Variants in CD96 observed in about 807,000 individuals in gnomAD.
CD96 encodes the protein T-cell surface protein tactile.
A neutral mutation model predicts 71.3 loss-of-function variants in CD96; 70 were observed. The observed-to-expected ratio is 0.98, with a 90% confidence interval of 0.81 to 1.20. The LOEUF (loss-of-function observed/expected upper bound fraction) is 1.20, where lower values mean the gene tolerates loss of function less well. Among genes scored for constraint, CD96 ranks in the 50% most tolerant of loss-of-function variants. The pLI, the probability that CD96 is intolerant of heterozygous loss-of-function variation, is 0.00. For missense variants in CD96, 742 were observed against 677.5 expected (o/e 1.10, Z -1.06); for synonymous variants, 248 against 233.0 (o/e 1.06, Z -0.59).
chr3:111,570,785 G>A lies in CD96; in HGVS notation c.543+3138G>A, dbSNP rs774359884. 300 of 1,613,522 alleles carry A rather than the reference G, an allele frequency of 1.9e-4. 1 individual carries two copies. The highest frequency in any genetic ancestry group is 6.6e-4 in the Middle Eastern group (4 of 6,072). ...CCTCATCCTCTAGATCCAGGGAAAC[G>A]TCTTCCAAAGCAGGTGGCCCTGGAG... is the stretch of plus-strand genomic sequence containing the variant. On this transcript the variant is annotated intron_variant, in intron 3 of 13. Transcript: ENST00000352690.
At chr3:111,579,272 C>G (rs1936360867) in intron 4 of CD96, 38 bp downstream of exon 4, 1 of 1,065,694 alleles carries the variant, frequency 9.4e-7, no homozygotes, top group Non-Finnish European at 1.5e-6. Context: ...TGGCATCCTC[C>G]TGTCTCCTGC....
chr3:111,649,769 A>G lies in CD96; in HGVS notation c.1673A>G (p.Glu558Gly). 1.2e-6 allele frequency: 2 copies of G among 1,613,644 alleles called. No homozygotes were observed. Among genetic ancestry groups the G allele is most frequent in the South Asian group, 1.1e-5 (1 of 91,082 alleles). ...TACACTTGCATTCAAGAGCCCAACG[A>G]AAGTGATCTGCCTTATCATGAGATG... is the stretch of plus-strand genomic sequence containing the variant. ...IKYTCIQEPN[E>G]SDLPYHEMET... Residue 558 changes from glutamate (E) to glycine (G), a missense_variant, in exon 14 of 14, where the codon GAA (glutamate) becomes GGA (glycine). Physicochemically the swap from Glu to Gly is moderately conservative, Grantham distance 98. Transcript: ENST00000352690.
intron 12 of CD96, among the ~76,000 whole-genome samples, chr3:111,641,923 T>C (rs1402997701): frequency 6.6e-6 from 1 of 152,182 alleles, no homozygotes; most frequent in Admixed American, 6.5e-5. Flanking sequence ...GAAATCAAGA[T>C]GGAAATTTAA....
chr3:111,640,013 G>A (rs1305983411), intron 12 of CD96, among the ~76,000 whole-genome samples: 1 of 152,146 alleles, frequency 6.6e-6, no homozygotes, highest in Non-Finnish European at 1.5e-5. Context: ...CTCTGACAGA[G>A]GCTGCCCAAA....
chr3:111,589,478 C>A (rs1167683739), intron 5 of CD96, among the ~76,000 whole-genome samples: 2 of 152,206 alleles, frequency 1.3e-5, no homozygotes, highest in African/African-American at 4.8e-5. Context: ...AGTGAGTAAT[C>A]TTTCTCCAAT....
At chr3:111,628,465 C>T (rs1938892386) in intron 10 of CD96, among the ~76,000 whole-genome samples, 1 of 151,832 alleles carries the variant, frequency 6.6e-6, no homozygotes, top group African/African-American at 2.4e-5. Flanking sequence ...TAAGACAGGC[C>T]AACAAAAACA....
At chr3:111,630,112 A>G (rs1429112621) in intron 10 of CD96, among the ~76,000 whole-genome samples, 1 of 152,220 alleles carries the variant, frequency 6.6e-6, no homozygotes, top group African/African-American at 2.4e-5. Flanking sequence ...CTAGAGAACC[A>G]GGAGCAAACA....
At position 111,545,097 on chromosome 3, in the gene CD96, G is replaced by A; in HGVS notation, c.113G>A (p.Gly38Asp). Residue 38 changes from glycine to aspartate, a missense_variant, in exon 2 of 14, where the codon GGC (glycine) becomes GAC (aspartate). By Grantham distance (94) the Gly-to-Asp change is moderately conservative. Coordinates refer to ENST00000352690, the MANE Select transcript of CD96 (RefSeq NM_005816.5). ...GAAGAAAATGTTTATGCTACACTTG[G>A]CTCTGATGTCAACCTGACCTGCCAA... The part of the protein sequence containing the change: ...NTEENVYATL[G>D]SDVNLTCQTQ... 1.9e-6 allele frequency: 3 copies of A among 1,614,154 alleles called. No individual in the cohort carries two copies. The highest frequency in any genetic ancestry group is 2.5e-6 in the Non-Finnish European group (3 of 1,180,030).
At chr3:111,544,113 C>G (rs1239198989) in intron 1 of CD96, among the ~76,000 whole-genome samples, 9 of 152,116 alleles carry the variant, frequency 5.9e-5, no homozygotes, top group Non-Finnish European at 1.5e-5. Context: ...TGAATTCATT[C>G]TTTTACTGGA....
chr3:111,656,341 C>T (rs1940228323), downstream of CD96, among the ~76,000 whole-genome samples: 1 of 152,128 alleles, frequency 6.6e-6, no homozygotes, highest in African/African-American at 2.4e-5. Flanking sequence ...TCATGAATTT[C>T]AAGTTTGACA....
chr3:111,573,998 C>T (rs77284863), intron 3 of CD96, among the ~76,000 whole-genome samples: 404 of 152,232 alleles, frequency 2.7e-3, no homozygotes, highest in Non-Finnish European at 4.1e-3. Flanking sequence ...ATGTGGGGAG[C>T]TTTGCAAGCA....
At chr3:111,658,391 A>G (rs919564537) in intron 14 of CD96, among the ~76,000 whole-genome samples, 5 of 152,220 alleles carry the variant, frequency 3.3e-5, no homozygotes, top group African/African-American at 7.2e-5. Flanking sequence ...TCTCACCTAT[A>G]GCAAAACTTC....
intron 8 of CD96, among the ~76,000 whole-genome samples, chr3:111,620,739 A>G (rs1938481758): frequency 6.6e-6 from 1 of 152,180 alleles, no homozygotes; most frequent in Non-Finnish European, 1.5e-5. Flanking sequence ...ACTCCACAGC[A>G]CTGTGTGTGA....
chr3:111,654,524 A>C (rs563474976), downstream of CD96, among the ~76,000 whole-genome samples: 1 of 152,226 alleles, frequency 6.6e-6, no homozygotes, highest in Admixed American at 6.5e-5. Flanking sequence ...CTCAGACAGC[A>C]TCTTTGTATC....
chr3:111,620,848 AGG>A (rs1938487617), intron 8 of CD96, among the ~76,000 whole-genome samples: 1 of 152,274 alleles, frequency 6.6e-6, no homozygotes, highest in African/African-American at 2.4e-5. Context: ...TCCCCCAACA[AGG>A]TCCCTAAATA....
Position 111,606,759 on chromosome 3 carries a change from C to T in CD96, c.1147C>T (p.Gln383Ter). The change falls in exon 8 of 14, where the codon CAA becomes TAA. Residue 383 changes from glutamine (Q) to a stop codon, truncating the protein, a stop_gained. Transcript: ENST00000352690. LOFTEE classifies it high-confidence loss of function. The part of the protein sequence containing the change: ...LSVTESTLDT[Q>*]PSPASSVSPA... Reference sequence around the variant, plus strand: ...TGTTACAGAATCTACCCTTGACACCCAACCTTCTCCAGCCAGCAGTGTATC... The same window carrying T: ...TGTTACAGAATCTACCCTTGACACCTAACCTTCTCCAGCCAGCAGTGTATC... 1.2e-6 allele frequency: 2 copies of T among 1,603,970 alleles called. No homozygotes were observed. The highest frequency in any genetic ancestry group is 3.3e-4 in the Middle Eastern group (2 of 6,034).
intron 8 of CD96, among the ~76,000 whole-genome samples, chr3:111,611,062 A>G (rs1937901929): frequency 6.6e-6 from 1 of 152,166 alleles, no homozygotes; most frequent in Non-Finnish European, 1.5e-5. Flanking sequence ...TTTACTGCCC[A>G]TCAGTCCCTT....
At position 111,594,240 on chromosome 3, in the gene CD96, T is replaced by C. The variant is rs747010500; in HGVS notation, c.808-3880T>C. ...CAGCGTTCTTTATGATGTGCTTAGA[T>C]GTGAGCCAAAAGCTTATTTGAACCA... On this transcript the variant is annotated intron_variant, in intron 5 of 13. Transcript: ENST00000352690. The C allele has an allele frequency of 5.2e-6, 8 of 1,526,808 alleles. No individual in the cohort carries two copies. The East Asian group carries it at 1.6e-4, about 30-fold the overall frequency. 94.6% of individuals were successfully genotyped at this position (1,526,808 alleles called of 1,614,324 possible).
chr3:111,654,338 C>A (rs150817730), downstream of CD96, among the ~76,000 whole-genome samples: 1 of 152,302 alleles, frequency 6.6e-6, no homozygotes, highest in Non-Finnish European at 1.5e-5. Flanking sequence ...AGGCACCATG[C>A]TCCAGCCAGG....
Sources: gnomAD v4.1 joint callset for allele counts (sites outside exome capture counted in the v4.1 genomes callset) on GRCh38, gnomAD v4.1.1 for gene constraint, MANE v1.5 for transcripts, NCBI Gene and HGNC (gene_info 2026-07-23, HGNC 2026-07-21) for gene names.